SEL1L3: variants seen among roughly 807,000 people sequenced by gnomAD.
SEL1L3 encodes SEL1L family member 3.
Under a neutral mutation model 142.8 loss-of-function variants are expected in SEL1L3, and 76 were observed. The ratio of observed to expected loss-of-function variants is 0.53; its 90% CI spans 0.44 to 0.64. SEL1L3 has a LOEUF of 0.64. SEL1L3 is among the 30% of genes least tolerant of loss of function. The probability of loss-of-function intolerance (pLI) is 0.00; values close to 1 mark genes in which losing one functional copy is unlikely to be tolerated. For synonymous variants in SEL1L3, 504 were observed against 519.6 expected (o/e 0.97, Z 0.41); for missense variants, 1,262 against 1,381.7 (o/e 0.91, Z 1.37).
intron 2 of SEL1L3, among the ~76,000 whole-genome samples, chr4:25,839,074 C>T (rs769188867): frequency 2.6e-5 from 4 of 152,108 alleles, no homozygotes; most frequent in African/African-American, 4.8e-5. Flanking sequence ...GGGAAAGAAG[C>T]GAAGATTTCT....
At position 25,747,541 on chromosome 4, in the gene SEL1L3, T is replaced by C. The variant is rs1717316623; in HGVS notation, c.*884A>G. 6.6e-6 allele frequency: 1 copy of C among 151,970 alleles called. No individual in the cohort carries two copies. Among genetic ancestry groups the C allele is most frequent in the Non-Finnish European group, 1.5e-5 (1 of 68,036 alleles). 9.4% of individuals were successfully genotyped at this position (151,970 alleles called of 1,614,324 possible). On this transcript the variant is annotated 3_prime_UTR_variant, in exon 24 of 24. Coordinates refer to ENST00000399878, the MANE Select transcript of SEL1L3 (RefSeq NM_015187.5). ...ATTTATTCACTACCTTAGCAGCATG[T>C]AGTATACAGACATTCTGCTCTTCCT...
chr4:25,750,595 G>A (rs1349720640), intron 23 of SEL1L3, among the ~76,000 whole-genome samples: 4 of 152,198 alleles, frequency 2.6e-5, no homozygotes, highest in Non-Finnish European at 5.9e-5. Flanking sequence ...CCAGATTTGT[G>A]TCACTGAAAC....
At position 25,818,183 on chromosome 4, in the gene SEL1L3, G is replaced by A. The variant is rs1425739011; in HGVS notation, c.1519C>T (p.His507Tyr). Reference sequence around the variant, plus strand: ...AGCAATGCCTGGAACAAGCTGGGGTGTTTGTCTTTCAGCTCCTTCTCCCAG... The same window carrying A: ...AGCAATGCCTGGAACAAGCTGGGGTATTTGTCTTTCAGCTCCTTCTCCCAG... ...FPWEKELKDK[H>Y]PSLFQALLEM... The change falls in exon 9 of 24, where the codon CAC becomes TAC. Residue 507 changes from histidine to tyrosine, a missense_variant. His to Tyr is a moderately conservative substitution (Grantham distance 83). Transcript: ENST00000399878. 2 of 1,610,206 alleles carry A rather than the reference G, an allele frequency of 1.2e-6. No homozygotes were observed. Among genetic ancestry groups the A allele is most frequent in the Non-Finnish European group, 1.7e-6 (2 of 1,178,244 alleles).
the SEL1L3 span, among the ~76,000 whole-genome samples, chr4:25,728,475 G>A: frequency 6.6e-6 from 1 of 151,960 alleles, no homozygotes; most frequent in African/African-American, 2.4e-5. Flanking sequence ...AACACCATAG[G>A]CACATCCTCA....
intron 1 of SEL1L3, among the ~76,000 whole-genome samples, chr4:25,849,756 C>G (rs1716762105): frequency 6.6e-6 from 1 of 152,192 alleles, no homozygotes. Flanking sequence ...AAAATAAGGA[C>G]TCCTTTTTTC....
chr4:25,803,878 G>A (rs1713364538), intron 10 of SEL1L3, among the ~76,000 whole-genome samples: 1 of 151,970 alleles, frequency 6.6e-6, no homozygotes, highest in African/African-American at 2.4e-5. Flanking sequence ...GCTTAGACTG[G>A]AATTACACTA....
In SEL1L3 at chr4:25,802,115, A is replaced by G. The variant is rs114834360; in HGVS notation, c.1956+168T>C. ...TAGGGCTGCCCCTGCATTCAGCCTG[A>G]GAACACAGCCAGGTAATAGGAAATG... On this transcript the variant is annotated intron_variant, in intron 11 of 23. Coordinates refer to ENST00000399878, the MANE Select transcript of SEL1L3 (RefSeq NM_015187.5). Among the ~76,000 whole-genome samples, 5 of 152,342 alleles carry G rather than the reference A, an allele frequency of 3.3e-5. No homozygotes were observed. The East Asian group carries it at 7.7e-4, about 24-fold the overall frequency.
intron 21 of SEL1L3, 97 bp downstream of exon 21, chr4:25,758,844 C>T (rs1718178943): frequency 7.9e-7 from 1 of 1,270,250 alleles, no homozygotes; most frequent in Non-Finnish European, 1.1e-6. Flanking sequence ...TAACAATTTA[C>T]ATTACAATAT....
intron 12 of SEL1L3, among the ~76,000 whole-genome samples, chr4:25,789,812 G>C (rs371363433): frequency 6.6e-6 from 1 of 151,990 alleles, no homozygotes; most frequent in African/African-American, 2.4e-5. Context: ...TCCCACAAAG[G>C]GCTCCTCTTC....
chr4:25,839,165 T>C (rs189455842), intron 2 of SEL1L3, among the ~76,000 whole-genome samples: 20 of 152,310 alleles, frequency 1.3e-4, no homozygotes, highest in African/African-American at 4.3e-4. Context: ...CAGTGGCCAA[T>C]AAGGTGTTTA....
chr4:25,714,532 CTTTCTTTCTTTCTTTCT>C, the SEL1L3 span, among the ~76,000 whole-genome samples: 2 of 106,364 alleles, frequency 1.9e-5, no homozygotes, highest in African/African-American at 6.1e-5. Flanking sequence ...TTCTTTCTTT[CTTTCTTTCTTTCTTTCT>C]TTCTTCTTTC....
Position 25,847,440 on chromosome 4 carries a change from T to C in SEL1L3, c.587A>G (p.His196Arg), listed in dbSNP as rs370279907. The C allele has an allele frequency of 6.2e-7, 1 of 1,613,888 alleles. No homozygotes were observed. The highest frequency in any genetic ancestry group is 8.5e-7 in the Non-Finnish European group (1 of 1,179,896). The change falls in exon 2 of 24, where the codon CAT becomes CGT. Residue 196 changes from histidine (H) to arginine (R), a missense_variant. His to Arg is a conservative substitution (Grantham distance 29). Transcript: ENST00000399878. ...WNVKWEENLL[H>R]AVAKNYTLLQ... ...GAGGGTATAATTCTTTGCTACAGCA[T>C]GGAGCAAGTTTTCCTCCCATTTAAC...
intron 11 of SEL1L3, among the ~76,000 whole-genome samples, chr4:25,798,218 C>G (rs1456924019): frequency 6.6e-6 from 1 of 152,094 alleles, no homozygotes; most frequent in Non-Finnish European, 1.5e-5. Flanking sequence ...CCCCTGAGGA[C>G]TGTATTTTGT....
intron 7 of SEL1L3, 114 bp from the exon 8 acceptor site, chr4:25,820,054 C>T (rs1433950206): frequency 8.5e-6 from 8 of 944,370 alleles, no homozygotes; most frequent in African/African-American, 5.0e-5. Flanking sequence ...CCAGGTGGCT[C>T]GTTTGTACAC....
chr4:25,757,007 C>T, intron 23 of SEL1L3: 1 of 1,140,954 alleles, frequency 8.8e-7, no homozygotes, highest in South Asian at 1.8e-5. Context: ...GTGGCCCACG[C>T]CTGTAATCCC....
intron 11 of SEL1L3, among the ~76,000 whole-genome samples, chr4:25,797,241 C>T (rs894527125): frequency 6.6e-6 from 1 of 151,848 alleles, no homozygotes; most frequent in Non-Finnish European, 1.5e-5. Flanking sequence ...CGAAGCCTCT[C>T]GGCAGCCCCA....
downstream of SEL1L3, among the ~76,000 whole-genome samples, chr4:25,744,669 T>G (rs1353850460): frequency 6.6e-6 from 1 of 152,196 alleles, no homozygotes; most frequent in African/African-American, 2.4e-5. Flanking sequence ...TGGCAGGCAT[T>G]CATTAATTAG....
chr4:25,733,748 T>C, the SEL1L3 span, among the ~76,000 whole-genome samples: 27 of 152,138 alleles, frequency 1.8e-4, no homozygotes, highest in African/African-American at 6.5e-4. Context: ...CCTGACCCCA[T>C]GATTTCCCTC....
chr4:25,847,234 T>C (rs1716578618), intron 2 of SEL1L3, 60 bp downstream of exon 2: 4 of 1,396,080 alleles, frequency 2.9e-6, no homozygotes, highest in Non-Finnish European at 3.9e-6. Context: ...TGCCATTCGA[T>C]CATGATACAG....
Sources: allele counts gnomAD v4.1 joint callset (sites outside exome capture counted in the v4.1 genomes callset), GRCh38; gene constraint gnomAD v4.1.1; transcripts MANE v1.5; gene names NCBI Gene and HGNC (gene_info 2026-07-23, HGNC 2026-07-21).